The following SLC43A1 variants were observed in gnomAD, a reference collection of about 807,000 sequenced individuals.
SLC43A1 encodes the protein large neutral amino acids transporter small subunit 3.
A neutral mutation model predicts 59.5 loss-of-function variants in SLC43A1; 31 were observed. The ratio of observed to expected loss-of-function variants is 0.52; its 90% CI spans 0.39 to 0.70. The LOEUF (loss-of-function observed/expected upper bound fraction) is 0.70, where lower values mean the gene tolerates loss of function less well. Among genes scored for constraint, SLC43A1 ranks in the 30% least tolerant of loss-of-function variants. The pLI, the probability that SLC43A1 is intolerant of heterozygous loss-of-function variation, is 0.00. For synonymous variants in SLC43A1, 259 were observed against 290.9 expected, an observed-to-expected ratio of 0.89 and a Z score of 1.12; for missense variants, 598 against 717.8, an observed-to-expected ratio of 0.83 and a Z score of 1.91.
chr11:57,504,237 A>G (rs1020185020), intron 2 of SLC43A1, among the ~76,000 whole-genome samples: 4 of 152,208 alleles, frequency 2.6e-5, no homozygotes, highest in African/African-American at 9.6e-5. Context: ...AGATCTAGGC[A>G]TGACTGTAGC....
rs770904504 is a variant in SLC43A1 at position 57,500,878 on chromosome 11, T to C, written c.389-23A>G. ...GAGCTGGAAAGGGGAAAGCAGCAGATGAGGGCATTTGGGGAGCTGTGGGAA... is the reference window on the plus strand; with the variant it reads ...GAGCTGGAAAGGGGAAAGCAGCAGACGAGGGCATTTGGGGAGCTGTGGGAA... On this transcript the variant is annotated intron_variant, in intron 4 of 14. Coordinates refer to ENST00000278426, the MANE Select transcript of SLC43A1 (RefSeq NM_003627.6). 1.9e-6 allele frequency: 3 copies of C among 1,613,530 alleles called. No homozygotes were observed. The Admixed American group carries it at 5.0e-5, about 27-fold the overall frequency.
intron 2 of SLC43A1, among the ~76,000 whole-genome samples, chr11:57,508,111 A>C (rs1181803796): frequency 6.6e-6 from 1 of 152,154 alleles, no homozygotes; most frequent in Non-Finnish European, 1.5e-5. Context: ...TACTAAAATT[A>C]CACAAATTAG....
intron 2 of SLC43A1, among the ~76,000 whole-genome samples, chr11:57,504,875 G>A (rs1944356278): frequency 6.6e-6 from 1 of 152,156 alleles, no homozygotes; most frequent in Admixed American, 6.5e-5. Context: ...TTTGACCAAC[G>A]AGTTCATTCA....
At chr11:57,505,929 A>C (rs1262878695) in intron 2 of SLC43A1, among the ~76,000 whole-genome samples, 1 of 152,176 alleles carries the variant, frequency 6.6e-6, no homozygotes, top group Non-Finnish European at 1.5e-5. Context: ...GAGAATTGTC[A>C]CACATACACA....
At position 57,489,111 on chromosome 11, in the gene SLC43A1, G is replaced by A. The variant is rs1943826801; in HGVS notation, c.1336-122C>T. The A allele has an allele frequency of 3.5e-6, 5 of 1,437,490 alleles. No individual in the cohort carries two copies. The South Asian group carries it at 4.7e-5, about 14-fold the overall frequency. The allele number at this position is 1,437,490 out of a possible 1,614,324, so 89.0% of individuals were successfully genotyped here. ...ACCCCCTCGCCAACCCAATCTACTAGAAACACTTCCTGGAGAACCCGGAAA... is the reference window on the plus strand; with the variant it reads ...ACCCCCTCGCCAACCCAATCTACTAAAAACACTTCCTGGAGAACCCGGAAA... On this transcript the variant is annotated intron_variant, in intron 12 of 14. Coordinates refer to ENST00000278426, the MANE Select transcript of SLC43A1 (RefSeq NM_003627.6).
At position 57,491,601 on chromosome 11, in the gene SLC43A1, C is replaced by T. The variant is rs149047417; in HGVS notation, c.1044G>A (p.Val348=). The change falls in exon 10 of 15, where the codon GTG becomes GTA. Residue 348 remains valine, a synonymous_variant. Coordinates refer to ENST00000278426, the MANE Select transcript of SLC43A1 (RefSeq NM_003627.6). ...CTTTCATAGCCCTACCTGTCTCTGC[C>T]ACCTTTTGTTGCTGTTCATTTGTCT... is the stretch of plus-strand genomic sequence containing the variant. ...EHETNEQQQK[V]AETVGFYSSV... is the part of the protein sequence containing the mutation. 2 of 1,614,158 alleles carry T rather than the reference C, an allele frequency of 1.2e-6. No individual in the cohort carries two copies. The highest frequency in any genetic ancestry group is 2.7e-5 in the African/African-American group (2 of 75,040).
intron 14 of SLC43A1, 50 bp downstream of exon 14, chr11:57,487,045 G>A (rs1225647354): frequency 6.3e-7 from 1 of 1,596,808 alleles, no homozygotes; most frequent in East Asian, 2.2e-5. Flanking sequence ...CCCTACCCCT[G>A]CCCCCAGGAG....
chr11:57,492,735 CAA>C (rs56237225), intron 8 of SLC43A1, among the ~76,000 whole-genome samples: 2 of 83,512 alleles, frequency 2.4e-5, no homozygotes, highest in African/African-American at 5.0e-5. Context: ...CTCTATTTTA[CAA>C]AAAAAAAAAA....
chr11:57,503,978 A>T (rs530772376), intron 2 of SLC43A1, among the ~76,000 whole-genome samples: 1 of 152,064 alleles, frequency 6.6e-6, no homozygotes, highest in African/African-American at 2.4e-5. Context: ...TAAATCACAA[A>T]GTCAGGAGAT....
chr11:57,507,424 T>C (rs1944417492), intron 2 of SLC43A1, among the ~76,000 whole-genome samples: 1 of 152,100 alleles, frequency 6.6e-6, no homozygotes, highest in Non-Finnish European at 1.5e-5. Context: ...GAGCGGTGAT[T>C]GCGCTGCTGC....
chr11:57,498,986 G>T (rs888452399), intron 5 of SLC43A1, among the ~76,000 whole-genome samples: 6 of 152,088 alleles, frequency 3.9e-5, no homozygotes, highest in African/African-American at 1.4e-4. Context: ...TCCACAGAGG[G>T]GGAAACTGAG....
intron 5 of SLC43A1, among the ~76,000 whole-genome samples, chr11:57,500,032 G>C (rs1215776809): frequency 1.3e-5 from 2 of 152,102 alleles, no homozygotes; most frequent in Non-Finnish European, 2.9e-5. Flanking sequence ...CCTTCTCAGA[G>C]ATAAACAGTC....
At chr11:57,513,324 G>A (rs922806022) in intron 2 of SLC43A1, among the ~76,000 whole-genome samples, 2 of 152,218 alleles carry the variant, frequency 1.3e-5, no homozygotes, top group African/African-American at 2.4e-5. Flanking sequence ...ATACCCATCA[G>A]AGGCAAGTCC....
intron 14 of SLC43A1, 78 bp downstream of exon 14, chr11:57,487,017 A>G: frequency 1.3e-6 from 2 of 1,489,840 alleles, no homozygotes; most frequent in Admixed American, 3.4e-5. Flanking sequence ...TGAGTGAGGG[A>G]TGGCACCACA....
intron 2 of SLC43A1, among the ~76,000 whole-genome samples, chr11:57,511,011 T>C (rs1475213537): frequency 6.6e-6 from 1 of 151,910 alleles, no homozygotes; most frequent in African/African-American, 2.4e-5. Flanking sequence ...TTTTTAAGAA[T>C]ATGAAATAGT....
Position 57,514,710 on chromosome 11 carries a change from G to A in SLC43A1, c.-13-586C>T. ...TACAGTCTCTCGGGCCAAGCCAACA[G>A]CTGCCACGTGGAGGGAGACCCAGGA... On this transcript the variant is annotated intron_variant, in intron 1 of 14. Transcript: ENST00000278426. This position sits in a 1 kb window ranked among gnomAD's most constrained non-coding sequence, Gnocchi z 5.5. 1.8e-6 allele frequency: 1 copy of A among 562,658 alleles called. No homozygotes were observed. The highest frequency in any genetic ancestry group is 2.3e-6 in the Non-Finnish European group (1 of 443,250). The allele number at this position is 562,658 out of a possible 1,614,324, so 34.9% of individuals were successfully genotyped here.
At chr11:57,508,529 C>G (rs1199090759) in intron 2 of SLC43A1, among the ~76,000 whole-genome samples, 1 of 152,084 alleles carries the variant, frequency 6.6e-6, no homozygotes, top group African/African-American at 2.4e-5. Flanking sequence ...ACAGTCAGCC[C>G]GAGAGCCTCA....
In SLC43A1 at chr11:57,493,983, A is replaced by T. The variant is rs1488368976; in HGVS notation, c.871+10T>A. On this transcript the variant is annotated intron_variant, in intron 8 of 14. Transcript: ENST00000278426. ...ATCCCCCAAGGCCGGCACCTTGACCAGACACTCACTCTCAGGAAGGTTTTC... is the reference window on the plus strand; with the variant it reads ...ATCCCCCAAGGCCGGCACCTTGACCTGACACTCACTCTCAGGAAGGTTTTC... 1.9e-6 allele frequency: 3 copies of T among 1,576,542 alleles called. No homozygotes were observed. The highest frequency in any genetic ancestry group is 1.7e-6 in the Non-Finnish European group (2 of 1,162,882).
chr11:57,496,919 C>A (rs1400490485), intron 6 of SLC43A1, among the ~76,000 whole-genome samples: 1 of 152,158 alleles, frequency 6.6e-6, no homozygotes, highest in African/African-American at 2.4e-5. Flanking sequence ...ACCTTGGTGC[C>A]TTTTCCTCCC....
Sources: allele counts gnomAD v4.1 joint callset (sites outside exome capture counted in the v4.1 genomes callset), GRCh38; gene constraint gnomAD v4.1.1; non-coding constraint Gnocchi (gnomAD v3.1); transcripts MANE v1.5; gene names NCBI Gene and HGNC (gene_info 2026-07-23, HGNC 2026-07-21).